ZFR: variants seen among roughly 807,000 people sequenced by gnomAD.
The protein encoded by ZFR is zinc finger RNA-binding protein.
A neutral mutation model predicts 130.7 loss-of-function variants in ZFR; 19 were observed. That is an observed-to-expected ratio of 0.15 (90% CI 0.10 to 0.21). The LOEUF is 0.21. ZFR is among the 10% of genes least tolerant of loss of function. The pLI is 1.00. For synonymous variants in ZFR, 466 were observed against 456.9 expected, an observed-to-expected ratio of 1.02 and a Z score of -0.25; for missense variants, 872 against 1,321.5, an observed-to-expected ratio of 0.66 and a Z score of 5.27.
intron 17 of ZFR, among the ~76,000 whole-genome samples, chr5:32,370,016 C>T (rs1752625537): frequency 6.6e-6 from 1 of 151,514 alleles, no homozygotes; most frequent in Admixed American, 6.6e-5. Context: ...TGGAATCACA[C>T]AACATGTGAC....
intron 15 of ZFR, among the ~76,000 whole-genome samples, chr5:32,384,194 A>C (rs1195931754): frequency 6.6e-6 from 1 of 152,208 alleles, no homozygotes; most frequent in Non-Finnish European, 1.5e-5. Context: ...AACATTTATA[A>C]TGTATCATAT....
chr5:32,412,237 C>T (rs1012468004), intron 5 of ZFR, among the ~76,000 whole-genome samples: 2 of 152,186 alleles, frequency 1.3e-5, no homozygotes, highest in African/African-American at 4.8e-5. Flanking sequence ...AATAAACAAA[C>T]ATTACTTATT....
At chr5:32,373,896 T>A (rs2111690309) in intron 17 of ZFR, among the ~76,000 whole-genome samples, 1 of 152,334 alleles carries the variant, frequency 6.6e-6, no homozygotes, top group South Asian at 2.1e-4. Flanking sequence ...CAATGCTCCT[T>A]CAATTCCTTT....
intron 17 of ZFR, among the ~76,000 whole-genome samples, chr5:32,377,018 GT>G (rs1752829766): frequency 6.7e-6 from 1 of 149,596 alleles, no homozygotes; most frequent in Non-Finnish European, 1.5e-5. Flanking sequence ...TTAGCCGGGC[GT>G]GGTGGCAGGC....
chr5:32,423,854 A>T (rs1244039180), intron 2 of ZFR, among the ~76,000 whole-genome samples: 1 of 152,232 alleles, frequency 6.6e-6, no homozygotes, highest in Non-Finnish European at 1.5e-5. Context: ...GTAACACTAA[A>T]GCAAGAAGAT....
chr5:32,430,598 G>A (rs897443956), intron 2 of ZFR, among the ~76,000 whole-genome samples: 8 of 152,040 alleles, frequency 5.3e-5, no homozygotes, highest in African/African-American at 1.9e-4. Flanking sequence ...TCAGATTCAG[G>A]AGTCCCAAGA....
At chr5:32,418,522 A>G (rs1281115494) in intron 3 of ZFR, among the ~76,000 whole-genome samples, 2 of 152,206 alleles carry the variant, frequency 1.3e-5, no homozygotes, top group Non-Finnish European at 2.9e-5. Context: ...CTGGCAGTCC[A>G]TGAAGTAAAG....
chr5:32,402,500 G>T (rs1753474809), intron 8 of ZFR, among the ~76,000 whole-genome samples: 1 of 151,896 alleles, frequency 6.6e-6, no homozygotes, highest in South Asian at 2.1e-4. Flanking sequence ...GCGTTGTGGT[G>T]CATGCTTATA....
chr5:32,390,042 T>C (rs1387999399), intron 12 of ZFR, among the ~76,000 whole-genome samples: 1 of 152,162 alleles, frequency 6.6e-6, no homozygotes, highest in Non-Finnish European at 1.5e-5. Context: ...TCCCAGTTAC[T>C]TGGAAAGCTG....
In ZFR at chr5:32,393,055, T is replaced by C. The variant is rs557641326; in HGVS notation, c.1979+2104A>G. Among the ~76,000 whole-genome samples the C allele has an allele frequency of 3.8e-3, 580 of 152,296 alleles. 2 individuals carry two copies. The highest frequency in any genetic ancestry group is 6.2e-3 in the Non-Finnish European group (419 of 68,028). On this transcript the variant is annotated intron_variant, in intron 11 of 19. Coordinates refer to ENST00000265069, the MANE Select transcript of ZFR (RefSeq NM_016107.5). Reference sequence around the variant, plus strand: ...CACTTACTTGCTCTTTCATTCTAAATGTACAGTGAAATTATCCAGAGGCAA... The same window carrying C: ...CACTTACTTGCTCTTTCATTCTAAACGTACAGTGAAATTATCCAGAGGCAA...
chr5:32,358,819 G>A (rs1388241929), intron 19 of ZFR, among the ~76,000 whole-genome samples: 5 of 152,034 alleles, frequency 3.3e-5, no homozygotes, highest in Non-Finnish European at 5.9e-5. Flanking sequence ...AGAGCCTACT[G>A]TTTTCCAAGA....
intron 3 of ZFR, among the ~76,000 whole-genome samples, chr5:32,418,310 G>T (rs1023691785): frequency 6.6e-6 from 1 of 151,086 alleles, no homozygotes; most frequent in Non-Finnish European, 1.5e-5. Flanking sequence ...GCAGCATGTT[G>T]AACTTTTACA....
intron 2 of ZFR, among the ~76,000 whole-genome samples, chr5:32,436,140 CTTTTT>C (rs370998112): frequency 6.5e-5 from 6 of 91,794 alleles, no homozygotes; most frequent in Non-Finnish European, 1.2e-4. Context: ...CAGTTGTATT[CTTTTT>C]TTTTTTTTTT....
At chr5:32,410,180 C>A (rs1262565457) in intron 5 of ZFR, among the ~76,000 whole-genome samples, 1 of 147,060 alleles carries the variant, frequency 6.8e-6, no homozygotes, top group Non-Finnish European at 1.5e-5. Context: ...GTGGCATGCA[C>A]CGAGGCAGGA....
chr5:32,383,892 T>C, intron 15 of ZFR: 1 of 435,582 alleles, frequency 2.3e-6, no homozygotes, highest in Non-Finnish European at 4.7e-6. Context: ...GCTCAGTGTC[T>C]TGAAGCAAAA....
intron 6 of ZFR, among the ~76,000 whole-genome samples, chr5:32,405,674 G>A (rs532525575): frequency 9.2e-5 from 14 of 152,180 alleles, no homozygotes; most frequent in East Asian, 1.9e-4. Context: ...TACTAAGACC[G>A]CCCATCATTC....
intron 19 of ZFR, among the ~76,000 whole-genome samples, chr5:32,362,989 G>A (rs1402912358): frequency 6.6e-6 from 1 of 152,132 alleles, no homozygotes; most frequent in Non-Finnish European, 1.5e-5. Flanking sequence ...AATATAAAAT[G>A]AAAGAAATAA....
intron 2 of ZFR, among the ~76,000 whole-genome samples, chr5:32,432,220 T>C (rs936017899): frequency 3.9e-5 from 6 of 152,230 alleles, no homozygotes; most frequent in East Asian, 1.9e-4. Flanking sequence ...ACAGTGAACT[T>C]TGATTGCGCC....
chr5:32,364,756 C>CA (rs11411492), intron 17 of ZFR: 12,809 of 151,408 alleles, frequency 0.085, 729 homozygotes, highest in Non-Finnish European at 0.12. Flanking sequence ...AACAAAAAAA[C>CA]AAAAAAAACA....
Sources: allele counts gnomAD v4.1 joint callset (sites outside exome capture counted in the v4.1 genomes callset), GRCh38; gene constraint gnomAD v4.1.1; transcripts MANE v1.5; gene names NCBI Gene and HGNC (gene_info 2026-07-23, HGNC 2026-07-21).